The following DNM3 variants were observed in gnomAD, a reference collection of about 807,000 sequenced individuals.
DNM3 encodes the protein dynamin 3.
DNM3 carries 47 observed loss-of-function variants against 101.6 expected under a neutral mutation model. The observed-to-expected ratio is 0.46, with a 90% CI of 0.37 to 0.59. The LOEUF (loss-of-function observed/expected upper bound fraction) is 0.59. Among genes scored for constraint, DNM3 ranks in the 20% least tolerant of loss-of-function variants. The pLI is 0.00. For synonymous variants in DNM3, 385 were observed against 387.9 expected (o/e 0.99, Z 0.09); for missense variants, 849 against 1,085.7 (o/e 0.78, Z 3.06).
Position 172,409,066 on chromosome 1 carries a change from C to T in DNM3, c.*1225C>T, listed in dbSNP as rs867198606. On this transcript the variant is annotated 3_prime_UTR_variant, in exon 21 of 21. Transcript: ENST00000627582. Reference sequence around the variant, plus strand: ...TTAAGATTTCTAAAATTTACCAGAACAGTTTAGCCTGGGGGTTAATAGTTA... The same window carrying T: ...TTAAGATTTCTAAAATTTACCAGAATAGTTTAGCCTGGGGGTTAATAGTTA... 2.3e-5 allele frequency: 23 copies of T among 985,228 alleles called. No individual in the cohort carries two copies. Among genetic ancestry groups the T allele is most frequent in the Middle Eastern group, 5.2e-4 (1 of 1,936 alleles). 61.0% of individuals were successfully genotyped at this position (985,228 alleles called of 1,614,324 possible).
chr1:172,297,043 T>C (rs533453005), intron 15 of DNM3, among the ~76,000 whole-genome samples: 1 of 150,798 alleles, frequency 6.6e-6, no homozygotes, highest in African/African-American at 2.4e-5. Context: ...CTTGGGAGGC[T>C]GAGGCAGGAG....
intron 15 of DNM3, among the ~76,000 whole-genome samples, chr1:172,284,626 G>A (rs553001937): frequency 6.6e-6 from 1 of 152,238 alleles, no homozygotes; most frequent in East Asian, 1.9e-4. Context: ...TATACAGAAT[G>A]ACTTTTCATG....
intron 15 of DNM3, among the ~76,000 whole-genome samples, chr1:172,276,556 A>AGTGTGTGTGTGTGTGTGT (rs1557919059): frequency 1.1e-4 from 2 of 18,652 alleles, no homozygotes; most frequent in African/African-American, 2.7e-4. Context: ...AAAAAATCTT[A>AGTGTGTGTGTGTGTGTGT]ATGTGTGTGT....
At position 172,410,819 on chromosome 1, in the gene DNM3, T is replaced by G; in HGVS notation, c.*2978T>G. On this transcript the variant is annotated 3_prime_UTR_variant, in exon 21 of 21. Transcript: ENST00000627582. ...GACTTAGACTTAAAAAGTGGTCACA[T>G]AGATTAATTTTGTGACTTTTTAGTA... The G allele has an allele frequency of 1.0e-6, 1 of 985,306 alleles. No individual in the cohort carries two copies. The highest frequency in any genetic ancestry group is 4.7e-5 in the South Asian group (1 of 21,292). 61.0% of individuals were successfully genotyped at this position (985,306 alleles called of 1,614,324 possible).
intron 14 of DNM3, among the ~76,000 whole-genome samples, chr1:172,227,304 A>ATG (rs1215756972): frequency 7.6e-6 from 1 of 131,538 alleles, no homozygotes; most frequent in African/African-American, 2.9e-5. Flanking sequence ...ATATATATAT[A>ATG]TCACATTTTC....
rs139897601 is a variant in DNM3, at chr1:172,362,661, G to T, written c.1894-16357G>T. On this transcript the variant is annotated intron_variant, in intron 17 of 20. Coordinates refer to ENST00000627582, the MANE Select transcript of DNM3 (RefSeq NM_015569.5). ...CAACCCTGGTATCTTGATAAACACC[G>T]TGCCATTCCCTTCATTTTTCTGCCA... is the stretch of plus-strand genomic sequence containing the variant. 9.4e-3 allele frequency among the ~76,000 whole-genome samples: 1,421 copies of T among 151,836 alleles called. 17 individuals are homozygous for T. Among genetic ancestry groups the T allele is most frequent in the African/African-American group, 0.032 (1,318 of 41,416 alleles).
chr1:172,275,481 GA>G (rs904780502), intron 15 of DNM3, among the ~76,000 whole-genome samples: 4 of 150,888 alleles, frequency 2.7e-5, no homozygotes, highest in Non-Finnish European at 4.4e-5. Flanking sequence ...CATAAATGAA[GA>G]AAAAAAAACT....
At chr1:171,878,612 C>T (rs929099230) in intron 1 of DNM3, among the ~76,000 whole-genome samples, 1 of 152,034 alleles carries the variant, frequency 6.6e-6, no homozygotes, top group Admixed American at 6.6e-5. Flanking sequence ...TCTGCATGGG[C>T]GTGAACTCAG....
chr1:172,157,122 A>G (rs2058368759), intron 14 of DNM3, among the ~76,000 whole-genome samples: 1 of 152,116 alleles, frequency 6.6e-6, no homozygotes, highest in Non-Finnish European at 1.5e-5. Context: ...ATATGTATAC[A>G]ACTTATCATA....
chr1:172,026,498 A>G (rs2048213841), intron 4 of DNM3, among the ~76,000 whole-genome samples: 1 of 152,224 alleles, frequency 6.6e-6, no homozygotes. Context: ...CCCAAGACAC[A>G]TAACCGTCAG....
chr1:172,005,379 ATTGTTATAAAGGCT>A (rs2046619913), intron 4 of DNM3, among the ~76,000 whole-genome samples: 2 of 152,076 alleles, frequency 1.3e-5, no homozygotes, highest in South Asian at 4.1e-4. Flanking sequence ...TCTATCAGGA[ATTGTTATAAAGGCT>A]TTAAAAAACC....
intron 14 of DNM3, among the ~76,000 whole-genome samples, chr1:172,215,448 A>T (rs188430711): frequency 6.6e-6 from 1 of 152,080 alleles, no homozygotes; most frequent in Non-Finnish European, 1.5e-5. Context: ...TAAGAACCCA[A>T]AGAGGATGAC....
chr1:172,137,939 A>G (rs1558627640), intron 14 of DNM3: 4 of 152,166 alleles, frequency 2.6e-5, no homozygotes, highest in Non-Finnish European at 5.9e-5. Flanking sequence ...TGCATTAACC[A>G]CTTTCCTTAT....
intron 2 of DNM3, among the ~76,000 whole-genome samples, chr1:171,943,291 AC>A (rs1270103205): frequency 6.6e-6 from 1 of 152,022 alleles, no homozygotes; most frequent in Non-Finnish European, 1.5e-5. Context: ...ATTTGAATAG[AC>A]CCCTCTTCTT....
At chr1:172,254,024 C>T (rs2062297212) in intron 15 of DNM3, among the ~76,000 whole-genome samples, 2 of 152,050 alleles carry the variant, frequency 1.3e-5, no homozygotes, top group South Asian at 2.1e-4. Context: ...TCACTGCAGC[C>T]TCGAACTCCT....
At chr1:172,184,815 C>T (rs80091050) in intron 14 of DNM3, among the ~76,000 whole-genome samples, 10,316 of 152,056 alleles carry the variant, frequency 0.068, 418 homozygotes, top group East Asian at 0.13. Flanking sequence ...AGAAGTTCAT[C>T]GCTTTCCTGT....
intron 13 of DNM3, among the ~76,000 whole-genome samples, chr1:172,115,946 G>A (rs2055858261): frequency 6.6e-6 from 1 of 152,014 alleles, no homozygotes; most frequent in African/African-American, 2.4e-5. Flanking sequence ...GAGAATATAG[G>A]TTCTAGTGCC....
At chr1:171,985,263 C>T (rs949907836) in intron 2 of DNM3, among the ~76,000 whole-genome samples, 2 of 152,040 alleles carry the variant, frequency 1.3e-5, no homozygotes, top group African/African-American at 4.8e-5. Flanking sequence ...TAAATTATTT[C>T]TAATTTTTCC....
chr1:172,241,264 T>TGTGTGTGC (rs757221165), intron 14 of DNM3, among the ~76,000 whole-genome samples: 6 of 151,422 alleles, frequency 4.0e-5, no homozygotes, highest in South Asian at 2.1e-4. Flanking sequence ...TGTGTGTGTG[T>TGTGTGTGC]GCACGTGTGT....
Sources: allele counts gnomAD v4.1 joint callset (sites outside exome capture counted in the v4.1 genomes callset), GRCh38; gene constraint gnomAD v4.1.1; transcripts MANE v1.5; gene names NCBI Gene and HGNC (gene_info 2026-07-23, HGNC 2026-07-21).